The following RGL1 variants were observed in gnomAD, a reference collection of about 807,000 sequenced individuals.
RGL1 encodes ral guanine nucleotide dissociation stimulator like 1.
A neutral mutation model predicts 95.2 loss-of-function variants in RGL1; 24 were observed. The observed-to-expected ratio is 0.25, with a 90% CI of 0.18 to 0.35. The LOEUF (loss-of-function observed/expected upper bound fraction) is 0.35, where lower values mean the gene tolerates loss of function less well. Among genes scored for constraint, RGL1 ranks in the 10% least tolerant of loss-of-function variants. The probability of loss-of-function intolerance (pLI) is 1.00; values close to 1 mark genes in which losing one functional copy is unlikely to be tolerated. For synonymous variants in RGL1, 329 were observed against 344.9 expected (o/e 0.95, Z 0.51); for missense variants, 715 against 936.3 (o/e 0.76, Z 3.08).
chr1:183,733,400 C>T (rs1384918513), intron 1 of RGL1, among the ~76,000 whole-genome samples: 2 of 152,138 alleles, frequency 1.3e-5, no homozygotes, highest in Admixed American at 6.5e-5. Context: ...CAAAAGGCAG[C>T]GTCAGGAAGC....
At chr1:183,885,712 T>TGGGGA (rs1667070077) in intron 7 of RGL1, among the ~76,000 whole-genome samples, 1 of 152,184 alleles carries the variant, frequency 6.6e-6, no homozygotes, top group Non-Finnish European at 1.5e-5. Context: ...CATACTAGGA[T>TGGGGA]AGAGCATAAT....
chr1:183,752,938 G>A (rs1313449573), intron 2 of RGL1, among the ~76,000 whole-genome samples: 1 of 152,046 alleles, frequency 6.6e-6, no homozygotes, highest in Non-Finnish European at 1.5e-5. Flanking sequence ...TTGCTGTCCT[G>A]AAGTTTCATT....
At chr1:183,831,735 T>A (rs1663270612) in intron 2 of RGL1, among the ~76,000 whole-genome samples, 1 of 152,234 alleles carries the variant, frequency 6.6e-6, no homozygotes, top group Admixed American at 6.5e-5. Flanking sequence ...CATATCCATT[T>A]AATTAATATT....
chr1:183,727,193 G>A (rs1656360677), intron 1 of RGL1, among the ~76,000 whole-genome samples: 1 of 151,998 alleles, frequency 6.6e-6, no homozygotes. Flanking sequence ...GGAATACAAG[G>A]TTGCTTAACA....
chr1:183,906,997 C>T lies in RGL1; in HGVS notation c.1473-15C>T, dbSNP rs779858069. 2.2e-5 allele frequency: 33 copies of T among 1,512,654 alleles called. No individual in the cohort carries two copies. Among genetic ancestry groups the T allele is most frequent in the Non-Finnish European group, 2.8e-5 (31 of 1,088,916 alleles). 93.7% of individuals were successfully genotyped at this position (1,512,654 alleles called of 1,614,324 possible). On this transcript the variant is annotated splice_polypyrimidine_tract_variant and intron_variant, in intron 13 of 17. Transcript: ENST00000360851. ...CTCTAACTTTGACCTCATGGAGCCC[C>T]CTTCTCTTTCTCAGCTATGCCCTGT...
In RGL1 at chr1:183,927,097, CAT is replaced by C. The variant is rs1480487350; in HGVS notation, c.*808_*809del. 1.3e-5 allele frequency: 2 copies of C among 152,552 alleles called. No homozygotes were observed. The highest frequency in any genetic ancestry group is 2.9e-5 in the Non-Finnish European group (2 of 68,036). 9.4% of individuals were successfully genotyped at this position (152,552 alleles called of 1,614,324 possible). On this transcript the variant is annotated 3_prime_UTR_variant, in exon 18 of 18. Transcript: ENST00000360851. ...GTATTTCCGTTTTCCCCCTAAAGAA[CAT>C]ATCATAATCATTGCACAAATAACCA...
At chr1:183,693,291 A>G (rs1654068163) in intron 1 of RGL1, among the ~76,000 whole-genome samples, 1 of 152,088 alleles carries the variant, frequency 6.6e-6, no homozygotes, top group South Asian at 2.1e-4. Context: ...CAACAGAACA[A>G]AGTAAATCCT....
chr1:183,916,576 T>G lies in RGL1; in HGVS notation c.1879T>G (p.Ser627Ala). The change falls in exon 16 of 18, where the codon TCT (serine) becomes GCT (alanine). Residue 627 changes from serine (S) to alanine (A), a missense_variant. Physicochemically the swap from Ser to Ala is moderately conservative, Grantham distance 99. Transcript: ENST00000360851. ...CAACAACCCCAAAATCCACAAGCGC[T>G]CTGTCTCGGTGACGTCCATTACCTC... Reference protein sequence around the residue: ...CNNNPKIHKRSVSVTSITSTV... With the variant: ...CNNNPKIHKRAVSVTSITSTV... 1 of 1,613,560 alleles carries G rather than the reference T, an allele frequency of 6.2e-7. No individual in the cohort carries two copies. Among genetic ancestry groups the G allele is most frequent in the Non-Finnish European group, 8.5e-7 (1 of 1,179,896 alleles).
Position 183,721,313 on chromosome 1 carries a change from A to C in RGL1, c.-32-20813A>C, listed in dbSNP as rs118079665. On this transcript the variant is annotated intron_variant, in intron 1 of 18. Transcript: ENST00000304685. ...CAAATCCATTCCACCCTTGTCATGTAAGTCTTTTTGATCTATACGTCTAAC... is the reference window on the plus strand; with the variant it reads ...CAAATCCATTCCACCCTTGTCATGTCAGTCTTTTTGATCTATACGTCTAAC... 1.8e-3 allele frequency among the ~76,000 whole-genome samples: 275 copies of C among 152,278 alleles called. 6 individuals are homozygous for C. In the East Asian group the frequency reaches 0.042, roughly 23 times the overall value.
chr1:183,670,527 C>A (rs1652370474), intron 1 of RGL1, among the ~76,000 whole-genome samples: 1 of 152,208 alleles, frequency 6.6e-6, no homozygotes, highest in South Asian at 2.1e-4. Context: ...GTTGTCTTCA[C>A]TGAGCCTCTA....
chr1:183,663,213 G>C (rs1651772538), intron 1 of RGL1, among the ~76,000 whole-genome samples: 1 of 151,872 alleles, frequency 6.6e-6, no homozygotes, highest in African/African-American at 2.4e-5. Context: ...TTGACAAATG[G>C]GATCTAATTA....
intron 14 of RGL1, 58 bp downstream of exon 14, chr1:183,907,159 G>T: frequency 1.0e-6 from 1 of 963,748 alleles, no homozygotes; most frequent in Non-Finnish European, 1.7e-6. Flanking sequence ...GTCGTGAGAG[G>T]AGATGTATTC....
At chr1:183,741,978 A>G (rs763187607) in intron 1 of RGL1, 71 of 572,506 alleles carry the variant, frequency 1.2e-4, no homozygotes, top group Non-Finnish European at 1.9e-4. Context: ...TATTTAGAAT[A>G]TAAAAGTGGC....
chr1:183,689,477 C>G (rs746380760), intron 1 of RGL1, among the ~76,000 whole-genome samples: 12 of 152,172 alleles, frequency 7.9e-5, no homozygotes, highest in Non-Finnish European at 1.5e-5. Flanking sequence ...TTCAAGCACC[C>G]TGTTCTCCAC....
chr1:183,835,719 C>T (rs2500110), intron 2 of RGL1, among the ~76,000 whole-genome samples: 23,931 of 152,094 alleles, frequency 0.16, 2,272 homozygotes, highest in East Asian at 0.29. Flanking sequence ...TGTAATCAGA[C>T]TTAACTTTGG....
intron 7 of RGL1, among the ~76,000 whole-genome samples, chr1:183,887,626 C>T (rs1476926517): frequency 6.6e-6 from 1 of 152,106 alleles, no homozygotes; most frequent in East Asian, 1.9e-4. Context: ...CCATGCCAGC[C>T]AAGAATGGGA....
chr1:183,885,044 AC>A, intron 7 of RGL1, 106 bp downstream of exon 7: 1 of 959,112 alleles, frequency 1.0e-6, no homozygotes, highest in Non-Finnish European at 1.5e-6. Context: ...CAGTCAAAAG[AC>A]CATATATGAG....
intron 1 of RGL1, among the ~76,000 whole-genome samples, chr1:183,703,544 A>G (rs905359238): frequency 6.6e-6 from 1 of 152,196 alleles, no homozygotes; most frequent in African/African-American, 2.4e-5. Flanking sequence ...GGACTGGTAC[A>G]TGGGCTACTT....
chr1:183,902,251 A>C (rs1668070288), intron 11 of RGL1, among the ~76,000 whole-genome samples: 1 of 152,202 alleles, frequency 6.6e-6, no homozygotes, highest in Non-Finnish European at 1.5e-5. Context: ...AAAAAGTGTA[A>C]TGGAATATTT....
Sources: gnomAD v4.1 joint callset for allele counts (sites outside exome capture counted in the v4.1 genomes callset) on GRCh38, gnomAD v4.1.1 for gene constraint, MANE v1.5 for transcripts, NCBI Gene and HGNC (gene_info 2026-07-23, HGNC 2026-07-21) for gene names.